Variants in PAPPA2 observed in about 807,000 individuals in gnomAD.
The protein encoded by PAPPA2 is pappalysin 2.
A neutral mutation model predicts 176.4 loss-of-function variants in PAPPA2; 86 were observed. The observed-to-expected ratio is 0.49, with a 90% CI of 0.41 to 0.58. The LOEUF is 0.58. PAPPA2 is among the 20% of genes least tolerant of loss of function. The probability of loss-of-function intolerance (pLI) is 0.00; values close to 1 mark genes in which losing one functional copy is unlikely to be tolerated. For missense variants in PAPPA2, 2,073 were observed against 2,256.9 expected, an observed-to-expected ratio of 0.92 and a Z score of 1.65; for synonymous variants, 809 against 852.2, an observed-to-expected ratio of 0.95 and a Z score of 0.88.
At position 176,843,513 on chromosome 1, in the gene PAPPA2, A is replaced by G. The variant is rs1251997769; in HGVS notation, c.*1059A>G. The G allele has an allele frequency of 6.6e-6, 1 of 152,214 alleles. No individual in the cohort carries two copies. The highest frequency in any genetic ancestry group is 1.5e-5 in the Non-Finnish European group (1 of 68,042). The allele number at this position is 152,214 out of a possible 1,614,324, so 9.4% of individuals were successfully genotyped here. ...GCTGTCAGCCAGTCAACAAGTTTGT[A>G]CTATGGCCCATTCTCTGATCACCAG... On this transcript the variant is annotated 3_prime_UTR_variant, in exon 23 of 23. Transcript: ENST00000367662.
chr1:176,512,866 G>A (rs1456349248), intron 1 of PAPPA2, among the ~76,000 whole-genome samples: 1 of 152,098 alleles, frequency 6.6e-6, no homozygotes, highest in African/African-American at 2.4e-5. Flanking sequence ...CAATGTAAGA[G>A]GTGCAACAAC....
intron 3 of PAPPA2, among the ~76,000 whole-genome samples, chr1:176,637,162 G>A (rs1656746151): frequency 6.6e-6 from 1 of 151,998 alleles, no homozygotes; most frequent in African/African-American, 2.4e-5. Flanking sequence ...GTAGATAGCA[G>A]TATCATTCAA....
chr1:176,650,509 T>C (rs1657657277), intron 3 of PAPPA2, among the ~76,000 whole-genome samples: 1 of 151,618 alleles, frequency 6.6e-6, no homozygotes, highest in Non-Finnish European at 1.5e-5. Flanking sequence ...GCTGCACCCA[T>C]TAACTTGTCA....
At chr1:176,694,315 T>A (rs913084634) in intron 6 of PAPPA2, among the ~76,000 whole-genome samples, 3 of 152,204 alleles carry the variant, frequency 2.0e-5, no homozygotes, top group African/African-American at 4.8e-5. Context: ...GGACGCTCAA[T>A]GGTGTTTGGG....
chr1:176,719,657 G>A (rs1661533264), intron 12 of PAPPA2, among the ~76,000 whole-genome samples: 1 of 152,040 alleles, frequency 6.6e-6, no homozygotes, highest in South Asian at 2.1e-4. Flanking sequence ...TTCTCTGGCT[G>A]TGTTCCCAGA....
intron 2 of PAPPA2, among the ~76,000 whole-genome samples, chr1:176,557,720 C>G (rs762636903): frequency 1.3e-5 from 2 of 152,150 alleles, no homozygotes; most frequent in Admixed American, 6.5e-5. Context: ...GCCGTCAGGT[C>G]CTGCCTGGTT....
intron 1 of PAPPA2, among the ~76,000 whole-genome samples, chr1:176,500,164 G>A (rs991762197): frequency 5.3e-5 from 8 of 152,030 alleles, no homozygotes; most frequent in African/African-American, 1.7e-4. Context: ...TGTTTACCCT[G>A]TAAAAATAAG....
chr1:176,713,222 C>T (rs777941708), intron 12 of PAPPA2, among the ~76,000 whole-genome samples: 5 of 151,522 alleles, frequency 3.3e-5, no homozygotes, highest in African/African-American at 4.9e-5. Flanking sequence ...GTGGTGCCAT[C>T]ATAGCTTACT....
At chr1:176,833,167 G>A (rs764298937) in intron 21 of PAPPA2, among the ~76,000 whole-genome samples, 12 of 152,172 alleles carry the variant, frequency 7.9e-5, no homozygotes, top group Non-Finnish European at 1.8e-4. Flanking sequence ...TGCCCTTCCA[G>A]GAGATACTCT....
intron 20 of PAPPA2, among the ~76,000 whole-genome samples, chr1:176,797,898 A>G (rs1373517287): frequency 2.0e-5 from 3 of 152,344 alleles, no homozygotes; most frequent in Middle Eastern, 3.4e-3. Flanking sequence ...TATGAGATAT[A>G]TGATTTTCAT....
chr1:176,534,677 G>A (rs147594156), intron 1 of PAPPA2, among the ~76,000 whole-genome samples: 47 of 152,338 alleles, frequency 3.1e-4, no homozygotes, highest in African/African-American at 1.1e-3. Flanking sequence ...GTGTGTGCTT[G>A]AGAGAAGCAA....
intron 14 of PAPPA2, among the ~76,000 whole-genome samples, chr1:176,743,300 T>C (rs934197824): frequency 3.3e-5 from 5 of 152,212 alleles, no homozygotes; most frequent in African/African-American, 1.2e-4. Context: ...TATTCTTTCT[T>C]CATTCCCTGG....
At chr1:176,641,719 C>A (rs1468272729) in intron 3 of PAPPA2, among the ~76,000 whole-genome samples, 1 of 151,974 alleles carries the variant, frequency 6.6e-6, no homozygotes, top group Non-Finnish European at 1.5e-5. Flanking sequence ...TGAGTACACT[C>A]TTCTCCTATT....
intron 12 of PAPPA2, among the ~76,000 whole-genome samples, chr1:176,716,162 T>G (rs1661358113): frequency 6.6e-6 from 1 of 151,706 alleles, no homozygotes; most frequent in Non-Finnish European, 1.5e-5. Context: ...TCCTAGGACT[T>G]TTACTGTAAA....
chr1:176,609,815 A>G (rs1364441040), intron 3 of PAPPA2, among the ~76,000 whole-genome samples: 1 of 152,228 alleles, frequency 6.6e-6, no homozygotes, highest in African/African-American at 2.4e-5. Flanking sequence ...TGAAATTCAC[A>G]TGAGATAATG....
Position 176,615,256 on chromosome 1 carries a change from C to T in PAPPA2, c.1991+19661C>T, listed in dbSNP as rs146147343. ...TAAATTAACTGTAAGACTTTTTTGT[C>T]TGAAGACATTAAAGACATGTGCTTT... On this transcript the variant is annotated intron_variant, in intron 3 of 22. Coordinates refer to ENST00000367662, the MANE Select transcript of PAPPA2 (RefSeq NM_020318.3). 2.2e-3 allele frequency among the ~76,000 whole-genome samples: 332 copies of T among 152,234 alleles called. 3 individuals are homozygous for T. The highest frequency in any genetic ancestry group is 7.7e-3 in the African/African-American group (319 of 41,558).
intron 12 of PAPPA2, among the ~76,000 whole-genome samples, chr1:176,728,421 C>T (rs1292366924): frequency 6.6e-6 from 1 of 151,730 alleles, no homozygotes; most frequent in Non-Finnish European, 1.5e-5. Context: ...ATGAAAGTAT[C>T]TCAGTAGCAA....
At chr1:176,650,897 G>C (rs1222602771) in intron 3 of PAPPA2, among the ~76,000 whole-genome samples, 1 of 151,604 alleles carries the variant, frequency 6.6e-6, no homozygotes, top group East Asian at 1.9e-4. Flanking sequence ...GGCCACATGA[G>C]GCTTCAAGAA....
rs147240492 is a variant in PAPPA2 at position 176,479,448 on chromosome 1, C to G, written c.-917+16030C>G. ...TGAAGAAAATTGTATAGCAGACTCTCTGCTCACCAGGCTAGCAGGCAAGCA... is the reference window on the plus strand; with the variant it reads ...TGAAGAAAATTGTATAGCAGACTCTGTGCTCACCAGGCTAGCAGGCAAGCA... On this transcript the variant is annotated intron_variant, in intron 1 of 22. Transcript: ENST00000367662. 2.3e-3 allele frequency among the ~76,000 whole-genome samples: 347 copies of G among 152,246 alleles called. 3 individuals are homozygous for G. Among genetic ancestry groups the G allele is most frequent in the African/African-American group, 8.0e-3 (333 of 41,540 alleles).
Sources: allele counts gnomAD v4.1 joint callset (sites outside exome capture counted in the v4.1 genomes callset), GRCh38; gene constraint gnomAD v4.1.1; transcripts MANE v1.5; gene names NCBI Gene and HGNC (gene_info 2026-07-23, HGNC 2026-07-21).